The following BLTP1 variants were observed in gnomAD, a reference collection of about 807,000 sequenced individuals.
BLTP1 encodes the protein bridge-like lipid transfer protein family member 1.
At chr4:122,169,585 G>C in the BLTP1 span, 27 of 931,954 alleles carry the variant, frequency 2.9e-5, no homozygotes, top group African/African-American at 4.6e-4. Context: ...CTTGTTTCTT[G>C]GATCATAAAA....
the BLTP1 span, chr4:122,230,038 A>T: frequency 1.2e-6 from 2 of 1,614,170 alleles, no homozygotes; most frequent in Non-Finnish European, 1.7e-6. Context: ...TTGAGCAATT[A>T]AATAATTGCA....
chr4:122,309,559 A>G, the BLTP1 span: 1 of 1,231,574 alleles, frequency 8.1e-7, no homozygotes, highest in Admixed American at 2.2e-5. Context: ...GATATAGCAA[A>G]TGTTTTTAGA....
the BLTP1 span, chr4:122,180,103 G>C: frequency 4.4e-4 from 438 of 984,734 alleles, 4 homozygotes; most frequent in Non-Finnish European, 1.4e-4. Flanking sequence ...AATATGTTGA[G>C]AATGGCTGCA....
chr4:122,158,077 A>T, the BLTP1 span, among the ~76,000 whole-genome samples: 1 of 152,202 alleles, frequency 6.6e-6, no homozygotes, highest in African/African-American at 2.4e-5. Context: ...AAATAGTTTT[A>T]CTTCAAAAAA....
the BLTP1 span, among the ~76,000 whole-genome samples, chr4:122,252,791 G>C: frequency 1.3e-5 from 2 of 152,148 alleles, no homozygotes; most frequent in African/African-American, 4.8e-5. Context: ...TACAGCTCTA[G>C]GTCTGTGAGC....
the BLTP1 span, chr4:122,249,076 C>T: frequency 3.1e-5 from 29 of 933,270 alleles, no homozygotes; most frequent in African/African-American, 4.6e-4. Context: ...CAGTATAAAA[C>T]AGTCTTTTAG....
the BLTP1 span, chr4:122,205,785 TACAC>T: frequency 5.5e-3 from 814 of 147,290 alleles, 11 homozygotes; most frequent in East Asian, 0.044. Flanking sequence ...CTCTGTCACA[TACAC>T]ACACACACAC....
chr4:122,246,176 G>A, the BLTP1 span: 1 of 1,586,788 alleles, frequency 6.3e-7, no homozygotes, highest in Non-Finnish European at 8.6e-7. Context: ...AGACATTAGA[G>A]GAACAAAAAC....
At chr4:122,219,275 T>C in the BLTP1 span, 2 of 1,566,208 alleles carry the variant, frequency 1.3e-6, no homozygotes, top group Non-Finnish European at 1.7e-6. Context: ...AAATTTAGGC[T>C]CATAGGTGAA....
the BLTP1 span, chr4:122,224,730 C>T: frequency 2.6e-4 from 412 of 1,612,828 alleles, no homozygotes; most frequent in Non-Finnish European, 3.2e-4. Context: ...CCTTTCTCTA[C>T]CCACCTTCTC....
chr4:122,349,092 T>G, the BLTP1 span: 1 of 1,337,040 alleles, frequency 7.5e-7, no homozygotes, highest in Non-Finnish European at 1.0e-6. The surrounding 1 kb of genome is among the most constrained non-coding windows in gnomAD (Gnocchi z 4.5). Context: ...CCTTTTTAAT[T>G]TAAATCCTGT....
the BLTP1 span, among the ~76,000 whole-genome samples, chr4:122,264,888 AG>A: frequency 2.0e-5 from 3 of 152,254 alleles, no homozygotes; most frequent in African/African-American, 7.2e-5. Context: ...TTATTGAAAT[AG>A]TTCACCCAGT....
the BLTP1 span, among the ~76,000 whole-genome samples, chr4:122,335,168 A>G: frequency 6.6e-6 from 1 of 151,924 alleles, no homozygotes; most frequent in African/African-American, 2.4e-5. Flanking sequence ...GGGCTTCTCT[A>G]CTGGGCTTCT....
chr4:122,328,500 A>C, the BLTP1 span: 1 of 772,164 alleles, frequency 1.3e-6, no homozygotes, highest in Non-Finnish European at 1.8e-6. Flanking sequence ...TTAAAATAAA[A>C]TTTATTTTAA....
At chr4:122,210,015 C>G in the BLTP1 span, 4 of 1,483,746 alleles carry the variant, frequency 2.7e-6, no homozygotes, top group South Asian at 1.3e-5. Flanking sequence ...TGAAATGCAT[C>G]TATTCTTGTG....
At chr4:122,168,977 T>A in the BLTP1 span, among the ~76,000 whole-genome samples, 3 of 152,132 alleles carry the variant, frequency 2.0e-5, no homozygotes, top group Non-Finnish European at 2.9e-5. Flanking sequence ...AGAAGGGGTC[T>A]CCCTCTCTCA....
chr4:122,280,016 C>T, the BLTP1 span: 1 of 1,612,398 alleles, frequency 6.2e-7, no homozygotes, highest in Non-Finnish European at 8.5e-7. Flanking sequence ...TCTGTGATTC[C>T]ATATACTACC....
chr4:122,340,960 A>G, the BLTP1 span: 1 of 367,990 alleles, frequency 2.7e-6, no homozygotes, highest in Non-Finnish European at 3.8e-6. Flanking sequence ...AAATTGAAAT[A>G]TGGCCTCTTC....
the BLTP1 span, chr4:122,346,578 A>G: frequency 6.3e-7 from 1 of 1,592,708 alleles, no homozygotes; most frequent in Non-Finnish European, 8.6e-7. Flanking sequence ...TGAAAACATT[A>G]AAGGTTTTAG....
Sources: allele counts gnomAD v4.1 joint callset (sites outside exome capture counted in the v4.1 genomes callset), GRCh38; gene constraint gnomAD v4.1.1; non-coding constraint Gnocchi (gnomAD v3.1); transcripts MANE v1.5; gene names NCBI Gene and HGNC (gene_info 2026-07-23, HGNC 2026-07-21).